PGPEP1L: variants seen among roughly 807,000 people sequenced by gnomAD.
PGPEP1L encodes pyroglutamyl-peptidase 1-like protein.
PGPEP1L carries 7 observed loss-of-function variants against 6.0 expected under a neutral mutation model. The observed-to-expected ratio is 1.17, with a 90% CI of 0.66 to 2.19. The LOEUF is 2.19. Among genes scored for constraint, PGPEP1L ranks in the 30% most tolerant of loss-of-function variants. The pLI is 0.00. For missense variants in PGPEP1L, 209 were observed against 192.5 expected (o/e 1.09, Z -0.51); for synonymous variants, 103 against 83.9 (o/e 1.23, Z -1.24).
chr15:98,969,746 G>T, intron 3 of PGPEP1L, 95 bp from the exon 4 acceptor site: 2 of 1,314,120 alleles, frequency 1.5e-6, no homozygotes, highest in Non-Finnish European at 2.1e-6. Context: ...TGAGAGCCCG[G>T]CTCTGTGCAA....
At chr15:98,986,118 C>A (rs1446654300) in intron 2 of PGPEP1L, among the ~76,000 whole-genome samples, 3 of 152,188 alleles carry the variant, frequency 2.0e-5, no homozygotes, top group Admixed American at 6.5e-5. Flanking sequence ...CTATAGGGAA[C>A]TGTGGCATAA....
chr15:98,970,761 A>G (rs2017482017), intron 3 of PGPEP1L, among the ~76,000 whole-genome samples: 2 of 152,182 alleles, frequency 1.3e-5, no homozygotes, highest in Admixed American at 1.3e-4. Context: ...CCTTAGGTGG[A>G]AACTATTTTT....
intron 2 of PGPEP1L, among the ~76,000 whole-genome samples, chr15:99,000,450 A>G (rs1239639394): frequency 1.3e-5 from 2 of 152,210 alleles, no homozygotes; most frequent in Non-Finnish European, 2.9e-5. Context: ...TCCACAGGGT[A>G]AAGCCAGCTG....
At chr15:98,986,251 G>T (rs903438797) in intron 2 of PGPEP1L, among the ~76,000 whole-genome samples, 5 of 152,212 alleles carry the variant, frequency 3.3e-5, no homozygotes, top group African/African-American at 1.2e-4. Flanking sequence ...CCCCTAAATA[G>T]CTTCAGGATG....
intron 2 of PGPEP1L, among the ~76,000 whole-genome samples, chr15:98,982,231 A>G (rs2017674839): frequency 6.6e-6 from 1 of 152,202 alleles, no homozygotes; most frequent in African/African-American, 2.4e-5. Flanking sequence ...TGTGGATTCC[A>G]TCTGCACTCG....
chr15:99,004,354 A>C (rs2018017572), intron 2 of PGPEP1L, among the ~76,000 whole-genome samples: 1 of 151,008 alleles, frequency 6.6e-6, no homozygotes, highest in Non-Finnish European at 1.5e-5. Flanking sequence ...GGCTGCAGTG[A>C]GTTATGACTG....
In PGPEP1L at chr15:98,987,165, C is replaced by CAAAAAAAAA. The variant is rs57923635; in HGVS notation, c.-141-16016_-141-16008dup. On this transcript the variant is annotated intron_variant, in intron 2 of 4. Transcript: ENST00000535714. ...TGGGTGACAGAGTGAGACTCCATCT[C>CAAAAAAAAA]AAAAAAAAAAAAAAAAAAAAAAAAA... 7.2e-3 allele frequency among the ~76,000 whole-genome samples: 242 copies of CAAAAAAAAA among 33,384 alleles called. 16 individuals are homozygous for CAAAAAAAAA. The highest frequency in any genetic ancestry group is 0.016 in the East Asian group (10 of 610). The allele number at this position is 33,384 out of a possible 152,430, so 21.9% of individuals were successfully genotyped here.
At chr15:99,005,748 T>G (rs1172887271) in intron 1 of PGPEP1L, 92 bp from the exon 2 acceptor site, 5 of 152,420 alleles carry the variant, frequency 3.3e-5, no homozygotes, top group African/African-American at 1.2e-4. Flanking sequence ...TTTCTGGACA[T>G]TTGAGTCTGG....
intron 1 of PGPEP1L, among the ~76,000 whole-genome samples, chr15:99,006,613 G>T (rs1335842318): frequency 1.3e-5 from 2 of 152,226 alleles, no homozygotes; most frequent in South Asian, 2.1e-4. Context: ...AGGATAGCCT[G>T]AGGCCAGGAG....
intron 2 of PGPEP1L, among the ~76,000 whole-genome samples, chr15:98,986,135 G>C (rs543815117): frequency 1.3e-5 from 2 of 152,336 alleles, no homozygotes; most frequent in South Asian, 4.1e-4. Context: ...ATAAGAGAGA[G>C]TATACTTAGC....
chr15:98,976,547 G>A (rs936205581), intron 2 of PGPEP1L, among the ~76,000 whole-genome samples: 9 of 152,196 alleles, frequency 5.9e-5, no homozygotes, highest in African/African-American at 1.9e-4. Context: ...AGGACTTGAG[G>A]TGTCCTGAAG....
At chr15:98,997,129 G>A (rs532258390) in intron 2 of PGPEP1L, among the ~76,000 whole-genome samples, 2 of 152,288 alleles carry the variant, frequency 1.3e-5, no homozygotes, top group Non-Finnish European at 2.9e-5. Context: ...AAGGTCCTGT[G>A]TTTTGAGGAA....
At chr15:98,982,903 G>A (rs535227572) in intron 2 of PGPEP1L, among the ~76,000 whole-genome samples, 18 of 151,696 alleles carry the variant, frequency 1.2e-4, no homozygotes, top group Non-Finnish European at 8.8e-5. Context: ...TAGACACAGG[G>A]TCTCACCCTG....
At chr15:98,999,496 G>A (rs782090363) in intron 2 of PGPEP1L, among the ~76,000 whole-genome samples, 15 of 152,316 alleles carry the variant, frequency 9.8e-5, no homozygotes, top group South Asian at 2.1e-4. Flanking sequence ...ATATAAAATG[G>A]TACTGTTGCT....
At position 98,969,434 on chromosome 15, in the gene PGPEP1L, T is replaced by C. The variant is rs750614941; in HGVS notation, c.200A>G (p.Asp67Gly). ...VEGVDVIFSR[D>G]AGRYVCDYTY... ...CACCCACAGAGCATACCTGCCTGCA[T>C]CTCGGGAAAAGATCACGTCGACACC... Residue 67 changes from aspartate to glycine, a missense_variant, in exon 4 of 5, where the codon GAT (aspartate) becomes GGT (glycine). By Grantham distance (94) the Asp-to-Gly change is moderately conservative. Coordinates refer to ENST00000535714, the MANE Select transcript of PGPEP1L (RefSeq NM_001167902.2). The C allele has an allele frequency of 1.2e-6, 2 of 1,613,898 alleles. No homozygotes were observed. The highest frequency in any genetic ancestry group is 1.7e-6 in the Non-Finnish European group (2 of 1,179,868).
Position 98,968,521 on chromosome 15 carries a change from A to G in PGPEP1L, c.386T>C (p.Phe129Ser). ...AAGGACCATGGTTGAGTTTTCTTCG[A>G]ACTGGGCTCTGTGCTTGGGCTTTCC... is the stretch of plus-strand genomic sequence containing the variant. ...EVGKPKHRAQ[F>S]EENSTMVLPA... Residue 129 changes from phenylalanine to serine, a missense_variant, in exon 5 of 5, where the codon TTC becomes TCC. Physicochemically the swap from Phe to Ser is radical, Grantham distance 155. Coordinates refer to ENST00000535714, the MANE Select transcript of PGPEP1L (RefSeq NM_001167902.2). 1 of 1,613,650 alleles carries G rather than the reference A, an allele frequency of 6.2e-7. No homozygotes were observed. The highest frequency in any genetic ancestry group is 8.5e-7 in the Non-Finnish European group (1 of 1,179,850).
At chr15:98,995,172 A>T (rs1228798103) in intron 2 of PGPEP1L, among the ~76,000 whole-genome samples, 1 of 152,064 alleles carries the variant, frequency 6.6e-6, no homozygotes, top group African/African-American at 2.4e-5. Flanking sequence ...AACTCCTACT[A>T]AATGTATTTA....
At chr15:99,002,250 C>A (rs1367749080) in intron 2 of PGPEP1L, among the ~76,000 whole-genome samples, 1 of 152,166 alleles carries the variant, frequency 6.6e-6, no homozygotes, top group Non-Finnish European at 1.5e-5. Context: ...CCCATCTCAA[C>A]CTCCCAAAGT....
chr15:98,969,794 AT>A (rs1275582388), intron 3 of PGPEP1L, 143 bp from the exon 4 acceptor site: 1 of 754,614 alleles, frequency 1.3e-6, no homozygotes, highest in Non-Finnish European at 2.2e-6. Flanking sequence ...AAACCCCAGG[AT>A]CCCCCACCAG....
Sources: gnomAD v4.1 joint callset for allele counts (sites outside exome capture counted in the v4.1 genomes callset) on GRCh38, gnomAD v4.1.1 for gene constraint, MANE v1.5 for transcripts, NCBI Gene and HGNC (gene_info 2026-07-23, HGNC 2026-07-21) for gene names.